The following ADCY2 variants were observed in gnomAD, a reference collection of about 807,000 sequenced individuals.
The protein encoded by ADCY2 is adenylate cyclase 2.
A neutral mutation model predicts 125.2 loss-of-function variants in ADCY2; 31 were observed. That is an observed-to-expected ratio of 0.25 (90% CI 0.19 to 0.33). The LOEUF (loss-of-function observed/expected upper bound fraction) is 0.33, where lower values mean the gene tolerates loss of function less well. Ranked by LOEUF, ADCY2 falls within the 10% of genes least tolerant of loss-of-function variation. The pLI is 1.00. For synonymous variants in ADCY2, 512 were observed against 548.4 expected (o/e 0.93, Z 0.93); for missense variants, 904 against 1,418.2 (o/e 0.64, Z 5.82).
chr5:7,625,121 A>G (rs1050346825), intron 3 of ADCY2, among the ~76,000 whole-genome samples: 1 of 152,278 alleles, frequency 6.6e-6, no homozygotes, highest in African/African-American at 2.4e-5. Flanking sequence ...ATGATCAAAT[A>G]TGAAGCCAAA....
chr5:7,566,114 AT>A lies in ADCY2; in HGVS notation c.570+45217del, dbSNP rs1225830526. On this transcript the variant is annotated intron_variant, in intron 3 of 24. Transcript: ENST00000338316. ...AGGAAGAACTTGGGTTCAGCAAGGA[AT>A]TGCACCAAGATGGGTCAGCACATTC... 7.9e-5 allele frequency among the ~76,000 whole-genome samples: 12 copies of A among 152,292 alleles called. No homozygotes were observed. The South Asian group carries it at 2.5e-3, about 32-fold the overall frequency.
intron 2 of ADCY2, among the ~76,000 whole-genome samples, chr5:7,513,106 CAG>C (rs1554015691): frequency 6.0e-4 from 83 of 138,500 alleles, no homozygotes; most frequent in South Asian, 1.8e-3. Context: ...CACACACACA[CAG>C]AGAGAGAGAG....
intron 3 of ADCY2, among the ~76,000 whole-genome samples, chr5:7,573,816 T>C (rs1736150287): frequency 6.7e-6 from 1 of 149,680 alleles, no homozygotes; most frequent in South Asian, 2.2e-4. Flanking sequence ...TTGTGCAGGT[T>C]AGATACATAT....
At chr5:7,660,956 C>T (rs1408877557) in intron 4 of ADCY2, among the ~76,000 whole-genome samples, 2 of 152,122 alleles carry the variant, frequency 1.3e-5, no homozygotes, top group Admixed American at 1.3e-4. Context: ...AGGCAGAATC[C>T]AGTGTCCCAA....
intron 4 of ADCY2, among the ~76,000 whole-genome samples, chr5:7,634,921 A>G (rs761148309): frequency 1.3e-5 from 2 of 152,200 alleles, no homozygotes; most frequent in Non-Finnish European, 2.9e-5. Context: ...TGGAGGGGCC[A>G]GGCAGGGAGG....
chr5:7,785,080 C>T (rs920494653), intron 19 of ADCY2, among the ~76,000 whole-genome samples: 1 of 152,192 alleles, frequency 6.6e-6, no homozygotes, highest in Non-Finnish European at 1.5e-5. Flanking sequence ...AGCCAAGCAC[C>T]TCTGCCTCGT....
intron 2 of ADCY2, among the ~76,000 whole-genome samples, chr5:7,429,878 A>G (rs903748213): frequency 6.6e-6 from 1 of 152,194 alleles, no homozygotes; most frequent in Non-Finnish European, 1.5e-5. Flanking sequence ...AGGAACAGAA[A>G]ACAACAAAAT....
intron 6 of ADCY2, among the ~76,000 whole-genome samples, 194 bp downstream of exon 6, chr5:7,696,057 G>A (rs1412819230): frequency 3.3e-5 from 5 of 152,140 alleles, no homozygotes; most frequent in Admixed American, 6.5e-5. Flanking sequence ...AAACGCCATG[G>A]CATATCATTA....
At chr5:7,689,132 A>C (rs1740624389) in intron 4 of ADCY2, among the ~76,000 whole-genome samples, 2 of 152,194 alleles carry the variant, frequency 1.3e-5, no homozygotes, top group Non-Finnish European at 2.9e-5. Flanking sequence ...CAAAAGCGCT[A>C]ATGGTAAATC....
At chr5:7,481,465 C>A (rs1303677238) in intron 2 of ADCY2, among the ~76,000 whole-genome samples, 1 of 151,448 alleles carries the variant, frequency 6.6e-6, no homozygotes. Flanking sequence ...GACGGGGTTT[C>A]ACTGTGTTAG....
Position 7,396,239 on chromosome 5 carries a change from C to T in ADCY2, c.-58C>T. 1.1e-6 allele frequency: 1 copy of T among 936,956 alleles called. No individual in the cohort carries two copies. Among genetic ancestry groups the T allele is most frequent in the Non-Finnish European group, 1.3e-6 (1 of 791,394 alleles). 58.0% of individuals were successfully genotyped at this position (936,956 alleles called of 1,614,324 possible). A position where few individuals can be genotyped will look rare whatever the true frequency, so the allele number is the denominator to read the frequency against. On this transcript the variant is annotated 5_prime_UTR_variant, in exon 1 of 25. Transcript: ENST00000338316. The surrounding 1 kb of genome is among the most constrained non-coding windows in gnomAD (Gnocchi z 5.7). ...CGCGGGGGTGGGACGCGGGCGGCCG[C>T]GGCGAGCGGCGCTGCCCGGGCCGGG...
intron 4 of ADCY2, among the ~76,000 whole-genome samples, chr5:7,679,290 C>T (rs575999192): frequency 5.3e-5 from 8 of 151,796 alleles, no homozygotes; most frequent in East Asian, 1.9e-4. Flanking sequence ...TGCTCCAGTG[C>T]GGGTCTGAGG....
intron 18 of ADCY2, among the ~76,000 whole-genome samples, chr5:7,780,130 T>C (rs1292657761): frequency 6.6e-6 from 1 of 152,186 alleles, no homozygotes; most frequent in East Asian, 1.9e-4. Context: ...CCCTGCTGCT[T>C]CTCAAGTCAG....
At chr5:7,786,864 C>T (rs1330298539) in intron 19 of ADCY2, among the ~76,000 whole-genome samples, 1 of 152,190 alleles carries the variant, frequency 6.6e-6, no homozygotes, top group Non-Finnish European at 1.5e-5. Flanking sequence ...ACTGGTTCTT[C>T]TGTCTACGTA....
At chr5:7,789,425 G>A (rs1744186338) in intron 19 of ADCY2, among the ~76,000 whole-genome samples, 1 of 152,172 alleles carries the variant, frequency 6.6e-6, no homozygotes, top group African/African-American at 2.4e-5. Flanking sequence ...TGATTTCCCT[G>A]TTTCTGAGGC....
chr5:7,437,620 G>A (rs1740855457), intron 2 of ADCY2, among the ~76,000 whole-genome samples: 1 of 152,236 alleles, frequency 6.6e-6, no homozygotes, highest in Non-Finnish European at 1.5e-5. Context: ...CGGCGTGATA[G>A]GTACTCGGGA....
intron 3 of ADCY2, among the ~76,000 whole-genome samples, chr5:7,594,591 AGTT>A (rs201458343): frequency 0.016 from 2,498 of 152,316 alleles, 81 homozygotes; most frequent in African/African-American, 0.057. Context: ...GTCTTTAATT[AGTT>A]ATTGACTTAA....
At position 7,613,076 on chromosome 5, in the gene ADCY2, G is replaced by A. The variant is rs376730371; in HGVS notation, c.571-13091G>A. 3.3e-4 allele frequency among the ~76,000 whole-genome samples: 50 copies of A among 152,022 alleles called. No homozygotes were observed. The South Asian group carries it at 0.01, about 31-fold the overall frequency. ...TAATGTAAATGATGAGTTAATGGGTGCAGCACACCAACATGGCACATGTAT... is the reference window on the plus strand; with the variant it reads ...TAATGTAAATGATGAGTTAATGGGTACAGCACACCAACATGGCACATGTAT... On this transcript the variant is annotated intron_variant, in intron 3 of 24. Transcript: ENST00000338316.
chr5:7,772,858 C>A (rs183851977), intron 17 of ADCY2, 74 bp from the exon 18 acceptor site: 2 of 1,437,442 alleles, frequency 1.4e-6, no homozygotes, highest in African/African-American at 1.4e-5. Flanking sequence ...GGGCGGTGGT[C>A]CCCTGATTGT....
Sources: gnomAD v4.1 joint callset for allele counts (sites outside exome capture counted in the v4.1 genomes callset) on GRCh38, gnomAD v4.1.1 for gene constraint, Gnocchi (gnomAD v3.1) non-coding constraint, MANE v1.5 for transcripts, NCBI Gene and HGNC (gene_info 2026-07-23, HGNC 2026-07-21) for gene names.